Variants in ADA2 observed in about 807,000 individuals in gnomAD.
The protein encoded by ADA2 is adenosine deaminase CECR1.
In ADA2, 29 loss-of-function variants were observed where a neutral mutation model predicts 44.2. That is an observed-to-expected ratio of 0.66 (90% confidence interval 0.49 to 0.89). The LOEUF is 0.89. Ranked by LOEUF, ADA2 falls within the 40% of genes least tolerant of loss-of-function variation. ADA2 has a pLI of 0.00. For missense variants in ADA2, 637 were observed against 644.8 expected (o/e 0.99, Z 0.13); for synonymous variants, 215 against 234.9 (o/e 0.92, Z 0.77).
rs1482843786 is a variant in ADA2 at position 17,181,661 on chromosome 22, G to A, written c.1443-85C>T. The A allele has an allele frequency of 5.4e-6, 6 of 1,116,554 alleles. No homozygotes were observed. The African/African-American group carries it at 6.1e-5, about 11-fold the overall frequency. 69.2% of individuals were successfully genotyped at this position (1,116,554 alleles called of 1,614,324 possible). On this transcript the variant is annotated intron_variant, in intron 9 of 9. Coordinates refer to ENST00000399837, the MANE Select transcript of ADA2 (RefSeq NM_001282225.2). ...GAGCCTGAGAGGACATTAGAGCCTT[G>A]CAGAGCACTCTCCCCAGGCCAGCAG...
In ADA2 at chr22:17,199,876, TC is replaced by T. The variant is rs1274532570; in HGVS notation, c.753+3686del. 1.0e-5 allele frequency: 7 copies of T among 669,152 alleles called. No individual in the cohort carries two copies. The East Asian group carries it at 3.2e-4, about 30-fold the overall frequency. The allele number at this position is 669,152 out of a possible 1,614,324, so 41.5% of individuals were successfully genotyped here. A position where few individuals can be genotyped will look rare whatever the true frequency, so the allele number is the denominator to read the frequency against. Reference sequence around the variant, plus strand: ...GGTGTATTTGCCTGAGCTCAGGAGTTCCAGACCAGCCTGGGCAATATGGTAA... The same window carrying T: ...GGTGTATTTGCCTGAGCTCAGGAGTTCAGACCAGCCTGGGCAATATGGTAA... On this transcript the variant is annotated intron_variant, in intron 4 of 9. Transcript: ENST00000399837.
intron 4 of ADA2, chr22:17,199,450 C>CCCCTCCTCTAT: frequency 4.3e-6 from 2 of 462,226 alleles, no homozygotes; most frequent in Non-Finnish European, 6.6e-6. Context: ...TTCCCCTCCA[C>CCCCTCCTCTAT]CCACGAAGAT....
At chr22:17,221,156 A>AAAAAG (rs2062520217), upstream of ADA2, among the ~76,000 whole-genome samples, 1 of 151,066 alleles carries the variant, frequency 6.6e-6, no homozygotes, top group Non-Finnish European at 1.5e-5. Context: ...AAAAAAAAAA[A>AAAAAG]GAGTTTAACA....
intron 1 of ADA2, among the ~76,000 whole-genome samples, chr22:17,218,359 C>T (rs962715632): frequency 6.6e-5 from 10 of 152,252 alleles, no homozygotes; most frequent in Non-Finnish European, 1.5e-4. Flanking sequence ...CTAGTATCAG[C>T]AATATGCAGT....
intron 3 of ADA2, among the ~76,000 whole-genome samples, chr22:17,204,371 C>G (rs748419407): frequency 1.1e-4 from 16 of 151,822 alleles, no homozygotes; most frequent in Admixed American, 2.6e-4. Flanking sequence ...AATCCCAACA[C>G]TTTGGGAGGC....
At chr22:17,190,815 G>A (rs544688217) in intron 5 of ADA2, among the ~76,000 whole-genome samples, 1 of 152,320 alleles carries the variant, frequency 6.6e-6, no homozygotes, top group African/African-American at 2.4e-5. Context: ...CAGAACGTGG[G>A]CCCATCCTGC....
At chr22:17,212,309 G>A (rs1019873583) in intron 1 of ADA2, among the ~76,000 whole-genome samples, 3 of 152,058 alleles carry the variant, frequency 2.0e-5, no homozygotes, top group Non-Finnish European at 1.5e-5. Context: ...TTACAGACAT[G>A]AGCCACCGTG....
upstream of ADA2, among the ~76,000 whole-genome samples, chr22:17,220,713 C>A (rs1341745706): frequency 1.3e-5 from 2 of 152,122 alleles, no homozygotes; most frequent in East Asian, 3.9e-4. Flanking sequence ...GACCCCAAAT[C>A]TACCCCCAAA....
At chr22:17,188,083 G>GA (rs1263052837) in intron 7 of ADA2, among the ~76,000 whole-genome samples, 1 of 85,290 alleles carries the variant, frequency 1.2e-5, no homozygotes, top group Non-Finnish European at 2.5e-5. Flanking sequence ...GTAAAAAAAA[G>GA]AAAAAAAAAG....
intron 3 of ADA2, among the ~76,000 whole-genome samples, chr22:17,206,427 AAGATCACG>A (rs2062354501): frequency 2.6e-5 from 4 of 151,862 alleles, no homozygotes; most frequent in South Asian, 2.1e-4. Context: ...GCTGTGAGCC[AAGATCACG>A]CCACTACACT....
chr22:17,216,629 G>A (rs564005092), intron 1 of ADA2, among the ~76,000 whole-genome samples: 11 of 151,874 alleles, frequency 7.2e-5, no homozygotes, highest in Admixed American at 2.0e-4. Flanking sequence ...GCCATGTGGC[G>A]TGTGCCTGTA....
intron 3 of ADA2, among the ~76,000 whole-genome samples, chr22:17,206,407 AGAT>A (rs2062354061): frequency 3.9e-5 from 1 of 25,614 alleles, no homozygotes; most frequent in South Asian, 1.0e-3. Flanking sequence ...CTGTGAGCCA[AGAT>A]CAGGCTGCTG....
intron 6 of ADA2, chr22:17,188,667 C>T (rs1340927419): frequency 2.8e-6 from 1 of 357,090 alleles, no homozygotes; most frequent in Non-Finnish European, 5.2e-6. Flanking sequence ...ATCACGAAGT[C>T]AGGAGATCGA....
At chr22:17,183,589 G>T (rs1275420560) in intron 7 of ADA2, among the ~76,000 whole-genome samples, 1 of 151,176 alleles carries the variant, frequency 6.6e-6, no homozygotes, top group Non-Finnish European at 1.5e-5. Flanking sequence ...AGCCTCCTGA[G>T]TAGCTGGGAT....
rs376045931 is a variant in ADA2, at chr22:17,191,825, C to T, written c.754-15G>A. 22 of 1,607,958 alleles carry T rather than the reference C, an allele frequency of 1.4e-5. No individual in the cohort carries two copies. The African/African-American group carries it at 2.9e-4, about 21-fold the overall frequency. The stretch of plus-strand genomic sequence containing the variant: ...AGCTCATACACCTGGGAAGAAAGCA[C>T]AACCAGGAGCCGTCAGGTGAGCAGT... On this transcript the variant is annotated splice_polypyrimidine_tract_variant and intron_variant, in intron 4 of 9. Coordinates refer to ENST00000399837, the MANE Select transcript of ADA2 (RefSeq NM_001282225.2).
chr22:17,182,788 G>A (rs2061988881), intron 7 of ADA2, 27 bp from the exon 8 acceptor site: 4 of 1,545,686 alleles, frequency 2.6e-6, no homozygotes, highest in Non-Finnish European at 3.5e-6. Context: ...GGTCTTCCAT[G>A]GGGGATGGAT....
Position 17,193,678 on chromosome 22 carries a change from T to TAA in ADA2, c.754-1870_754-1869dup, listed in dbSNP as rs34505611. On this transcript the variant is annotated intron_variant, in intron 4 of 9. Transcript: ENST00000399837. ...GCGAGACTCCACCTTAAAAAAAAAC[T>TAA]AAAAAAAAAAAAAAAAGATGTGGGA... Among the ~76,000 whole-genome samples, 105 of 126,780 alleles carry TAA rather than the reference T, an allele frequency of 8.3e-4. 1 individual carries two copies. The South Asian group carries it at 8.8e-3, about 11-fold the overall frequency. 83.2% of individuals were successfully genotyped at this position (126,780 alleles called of 152,430 possible).
chr22:17,212,088 G>A (rs111511446), intron 1 of ADA2, among the ~76,000 whole-genome samples: 4,346 of 151,802 alleles, frequency 0.029, 78 homozygotes, highest in South Asian at 0.056. Flanking sequence ...ACAATGGCGC[G>A]ATCTCGGCTC....
chr22:17,204,899 A>G (rs1223302813), intron 3 of ADA2, among the ~76,000 whole-genome samples: 1 of 151,660 alleles, frequency 6.6e-6, no homozygotes, highest in Non-Finnish European at 1.5e-5. Flanking sequence ...GGCTCAAGCA[A>G]TCCTCTTATG....
Sources: gnomAD v4.1 joint callset for allele counts (sites outside exome capture counted in the v4.1 genomes callset) on GRCh38, gnomAD v4.1.1 for gene constraint, MANE v1.5 for transcripts, NCBI Gene and HGNC (gene_info 2026-07-23, HGNC 2026-07-21) for gene names.